CCDC73: variants seen among roughly 807,000 people sequenced by gnomAD.
The protein encoded by CCDC73 is coiled-coil domain containing 73, also known as coiled-coil domain-containing protein 73.
A neutral mutation model predicts 116.5 loss-of-function variants in CCDC73; 95 were observed. The ratio of observed to expected loss-of-function variants is 0.82; its 90% CI spans 0.69 to 0.97. CCDC73 has a LOEUF of 0.97. Ranked by LOEUF, CCDC73 falls within the 50% of genes least tolerant of loss-of-function variation. The pLI is 0.00. For synonymous variants in CCDC73, 398 were observed against 401.3 expected (o/e 0.99, Z 0.10); for missense variants, 1,066 against 1,206.8 (o/e 0.88, Z 1.73).
rs1000523344 is a variant in CCDC73, at chr11:32,706,137, G to C, written c.208-3193C>G. 2.0e-5 allele frequency among the ~76,000 whole-genome samples: 3 copies of C among 152,188 alleles called. No individual in the cohort carries two copies. The East Asian group carries it at 5.8e-4, about 29-fold the overall frequency. On this transcript the variant is annotated intron_variant, in intron 3 of 17. Coordinates refer to ENST00000335185, the MANE Select transcript of CCDC73 (RefSeq NM_001008391.4). ...TGTAGATGTTTGACTAAATCTTTCA[G>C]GGGCTATCCCCAAAGTTCTTCCTGT...
At chr11:32,663,315 C>T (rs1245330458) in intron 9 of CCDC73, among the ~76,000 whole-genome samples, 15 of 152,300 alleles carry the variant, frequency 9.8e-5, no homozygotes, top group South Asian at 8.3e-4. Flanking sequence ...TATCCATGAG[C>T]ATGGAATGTT....
chr11:32,806,383 G>T, the CCDC73 span, among the ~76,000 whole-genome samples: 1 of 152,154 alleles, frequency 6.6e-6, no homozygotes, highest in Non-Finnish European at 1.5e-5. Flanking sequence ...ACTTTGGGAG[G>T]CTGAGGCGGG....
chr11:32,721,532 C>CT (rs1849989452), intron 2 of CCDC73, among the ~76,000 whole-genome samples: 1 of 151,894 alleles, frequency 6.6e-6, no homozygotes, highest in Non-Finnish European at 1.5e-5. Flanking sequence ...TGGAGAGAAA[C>CT]CAAAGAGTAG....
chr11:32,618,648 G>A (rs551519137), intron 14 of CCDC73, among the ~76,000 whole-genome samples: 1 of 152,278 alleles, frequency 6.6e-6, no homozygotes, highest in Admixed American at 6.5e-5. Context: ...CGCCTCCTGG[G>A]TTCAAGCAAT....
chr11:32,616,161 A>G (rs773099972), intron 14 of CCDC73, 32 bp from the exon 15 acceptor site: 2 of 1,532,248 alleles, frequency 1.3e-6, no homozygotes, highest in Non-Finnish European at 1.8e-6. Context: ...TCTTTTAAAA[A>G]CATTGCCTAC....
upstream of CCDC73, among the ~76,000 whole-genome samples, chr11:32,796,500 C>G (rs1389021239): frequency 1.3e-5 from 2 of 152,192 alleles, no homozygotes; most frequent in African/African-American, 4.8e-5. Flanking sequence ...TATTAGAAAA[C>G]TAAGGTGTAG....
intron 3 of CCDC73, among the ~76,000 whole-genome samples, chr11:32,707,525 G>A (rs1268093716): frequency 1.3e-5 from 2 of 151,970 alleles, no homozygotes; most frequent in Non-Finnish European, 2.9e-5. Context: ...GATTTACTGA[G>A]GAACCTCAAG....
intron 12 of CCDC73, among the ~76,000 whole-genome samples, chr11:32,649,941 T>C (rs1855811898): frequency 6.6e-6 from 1 of 152,212 alleles, no homozygotes; most frequent in African/African-American, 2.4e-5. Flanking sequence ...ATCTAGCTTC[T>C]CTATATACTA....
At chr11:32,733,994 GA>G (rs1398680920) in intron 2 of CCDC73, among the ~76,000 whole-genome samples, 5 of 152,062 alleles carry the variant, frequency 3.3e-5, no homozygotes, top group Non-Finnish European at 5.9e-5. Flanking sequence ...CTGGTTTTTT[GA>G]AAAGATCAAC....
chr11:32,682,002 A>C (rs1856149881), intron 7 of CCDC73: 1 of 151,928 alleles, frequency 6.6e-6, no homozygotes, highest in East Asian at 1.9e-4. Context: ...GTCAGAAAAA[A>C]TATTATGACT....
At chr11:32,664,637 T>C (rs981622843) in intron 9 of CCDC73, among the ~76,000 whole-genome samples, 1 of 152,216 alleles carries the variant, frequency 6.6e-6, no homozygotes, top group East Asian at 1.9e-4. Flanking sequence ...AGCTGCTGCA[T>C]TCAATGATAT....
chr11:32,795,026 G>C (rs184650441), upstream of CCDC73, among the ~76,000 whole-genome samples: 26 of 152,224 alleles, frequency 1.7e-4, no homozygotes. Context: ...TCTTTGGAAA[G>C]ATGAAAGAAA....
chr11:32,662,827 C>T (rs1855943432), intron 9 of CCDC73, among the ~76,000 whole-genome samples: 1 of 152,060 alleles, frequency 6.6e-6, no homozygotes, highest in Non-Finnish European at 1.5e-5. Context: ...TTAGGTCTAA[C>T]ATTTAAGTCT....
chr11:32,751,467 G>A (rs761128552), intron 2 of CCDC73, among the ~76,000 whole-genome samples: 9 of 152,178 alleles, frequency 5.9e-5, no homozygotes, highest in Non-Finnish European at 8.8e-5. Flanking sequence ...CCAGCGGCAA[G>A]GCTTGCTGAA....
intron 6 of CCDC73, among the ~76,000 whole-genome samples, chr11:32,696,747 T>C (rs1046329625): frequency 1.3e-5 from 2 of 152,060 alleles, no homozygotes; most frequent in Admixed American, 6.6e-5. Flanking sequence ...TTACACTCCA[T>C]CAATTGCTCA....
chr11:32,777,365 A>T (rs1209748438), intron 1 of CCDC73, among the ~76,000 whole-genome samples: 1 of 152,012 alleles, frequency 6.6e-6, no homozygotes, highest in Non-Finnish European at 1.5e-5. Context: ...TCAGCCTCCC[A>T]AAGTGCTGGG....
rs562596001 is a variant in CCDC73 at position 32,693,141 on chromosome 11, G to A, written c.390+6110C>T. Among the ~76,000 whole-genome samples, 27 of 152,348 alleles carry A rather than the reference G, an allele frequency of 1.8e-4. No homozygotes were observed. In the South Asian group the frequency reaches 4.6e-3, roughly 26 times the overall value. On this transcript the variant is annotated intron_variant, in intron 6 of 17. Coordinates refer to ENST00000335185, the MANE Select transcript of CCDC73 (RefSeq NM_001008391.4). The stretch of plus-strand genomic sequence containing the variant: ...TCTCTTGACTATGAGCTCCATAAGA[G>A]AGGGCACTATCTGGTTTCTTATTCC...
chr11:32,619,446 G>A (rs1349573567), intron 14 of CCDC73, among the ~76,000 whole-genome samples: 1 of 152,148 alleles, frequency 6.6e-6, no homozygotes, highest in African/African-American at 2.4e-5. Flanking sequence ...TGAGATGAGA[G>A]GACTACTTGA....
At position 32,616,126 on chromosome 11, in the gene CCDC73, C is replaced by T; in HGVS notation, c.1189G>A (p.Val397Ile). Residue 397 changes from valine to isoleucine, a missense_variant, in exon 15 of 18, where the codon GTT (valine) becomes ATT (isoleucine). By Grantham distance (29) the Val-to-Ile change is conservative. Coordinates refer to ENST00000335185, the MANE Select transcript of CCDC73 (RefSeq NM_001008391.4). Reference protein sequence around the residue: ...TFEEDKKFQNVPEVNNENSEM... With the variant: ...TFEEDKKFQNIPEVNNENSEM... ...CTGTTTTCATTATTTACTTCTGGAA[C>T]ATTCTAGTGTAAAATGGAAGAGATT... The T allele has an allele frequency of 1.3e-6, 2 of 1,568,534 alleles. No homozygotes were observed. Among genetic ancestry groups the T allele is most frequent in the Non-Finnish European group, 1.7e-6 (2 of 1,163,790 alleles).
Sources: gnomAD v4.1 joint callset for allele counts (sites outside exome capture counted in the v4.1 genomes callset) on GRCh38, gnomAD v4.1.1 for gene constraint, MANE v1.5 for transcripts, NCBI Gene and HGNC (gene_info 2026-07-23, HGNC 2026-07-21) for gene names.